TUB: variants seen among roughly 807,000 people sequenced by gnomAD.
TUB encodes the protein TUB bipartite transcription factor.
In TUB, 33 loss-of-function variants were observed where a neutral mutation model predicts 59.7. The ratio of observed to expected loss-of-function variants is 0.55; its 90% CI spans 0.42 to 0.74. The LOEUF (loss-of-function observed/expected upper bound fraction) is 0.74, where lower values mean the gene tolerates loss of function less well. TUB is among the 30% of genes least tolerant of loss of function. The probability of loss-of-function intolerance (pLI) is 0.00; values close to 1 mark genes in which losing one functional copy is unlikely to be tolerated. For missense variants in TUB, 659 were observed against 672.0 expected (o/e 0.98, Z 0.21); for synonymous variants, 293 against 256.4 (o/e 1.14, Z -1.36).
rs1408781559 is a variant in TUB, at chr11:8,030,926, G to A, written c.56+11568G>A. 3.3e-5 allele frequency among the ~76,000 whole-genome samples: 5 copies of A among 152,198 alleles called. No homozygotes were observed. In the South Asian group the frequency reaches 8.3e-4, roughly 25 times the overall value. On this transcript the variant is annotated intron_variant, in intron 1 of 11. Coordinates refer to the TUB transcript ENST00000534099. ...CATGCCAGGAACACCACAGTGTCCC[G>A]AAAGGACACTGTCTCCTGACACCAG... is the stretch of plus-strand genomic sequence containing the variant.
intron 6 of TUB, 134 bp downstream of exon 6, chr11:8,096,940 C>A: frequency 9.7e-7 from 1 of 1,035,834 alleles, no homozygotes; most frequent in Non-Finnish European, 1.5e-6. Context: ...CTCTACCTTG[C>A]CTCCTAACCT....
At chr11:8,021,733 G>T (rs1472521753) in intron 1 of TUB, among the ~76,000 whole-genome samples, 1 of 151,672 alleles carries the variant, frequency 6.6e-6, no homozygotes, top group African/African-American at 2.4e-5. Context: ...GGCTAACACG[G>T]TGAAACCCCG....
intron 1 of TUB, among the ~76,000 whole-genome samples, chr11:8,023,881 TC>T (rs1224612771): frequency 1.3e-5 from 2 of 152,366 alleles, no homozygotes; most frequent in East Asian, 3.9e-4. Flanking sequence ...TCAGTCGTTA[TC>T]CTCAAAGGCT....
chr11:8,068,573 C>G (rs1322349792), intron 2 of TUB: 1 of 152,682 alleles, frequency 6.5e-6, no homozygotes, highest in African/African-American at 2.4e-5. Context: ...AGGCCGTCCA[C>G]CCCAATGCTT....
At chr11:8,085,870 C>A (rs1943655433) in intron 1 of TUB, among the ~76,000 whole-genome samples, 1 of 152,188 alleles carries the variant, frequency 6.6e-6, no homozygotes, top group Non-Finnish European at 1.5e-5. Context: ...TGTGTCCTTG[C>A]CCCTTGTTGT....
Position 8,105,914 on chromosome 11 carries a change from G to C in TUB, c.*4295G>C, listed in dbSNP as rs141824931. ...GAAGCCTGACTGCTCGGTCAGGAGGGTGCAGTATCTCTTGCTGGGAACACA... is the reference window on the plus strand; with the variant it reads ...GAAGCCTGACTGCTCGGTCAGGAGGCTGCAGTATCTCTTGCTGGGAACACA... On this transcript the variant is annotated 3_prime_UTR_variant, in exon 12 of 12. Coordinates refer to ENST00000299506, the MANE Select transcript of TUB (RefSeq NM_177972.3). 4.6e-5 allele frequency: 7 copies of C among 151,938 alleles called. No homozygotes were observed. The East Asian group carries it at 1.4e-3, about 29-fold the overall frequency. The allele number at this position is 151,938 out of a possible 1,614,324, so 9.4% of individuals were successfully genotyped here.
At position 8,067,481 on chromosome 11, in the gene TUB, T is replaced by A. The variant is rs548936033; in HGVS notation, c.204-22129T>A. On this transcript the variant is annotated intron_variant, in intron 2 of 12. Coordinates refer to the TUB transcript ENST00000305253. ...TGTTAGCATGGTGCCTGGCACAGGGTAAGCATTTAATAAATGTTAGCTACT... is the reference window on the plus strand; with the variant it reads ...TGTTAGCATGGTGCCTGGCACAGGGAAAGCATTTAATAAATGTTAGCTACT... 8 of 152,336 alleles carry A rather than the reference T, an allele frequency of 5.3e-5. No homozygotes were observed. The East Asian group carries it at 1.3e-3, about 26-fold the overall frequency. The allele number at this position is 152,336 out of a possible 1,614,324, so 9.4% of individuals were successfully genotyped here.
chr11:8,024,390 C>T (rs1166141245), intron 1 of TUB, among the ~76,000 whole-genome samples: 3 of 152,160 alleles, frequency 2.0e-5, no homozygotes, highest in Non-Finnish European at 2.9e-5. Context: ...CTGCTTCTCC[C>T]TGATGAACTT....
chr11:8,077,492 C>G (rs1943468051), upstream of TUB: 2 of 151,572 alleles, frequency 1.3e-5, no homozygotes, highest in African/African-American at 4.9e-5. Flanking sequence ...ATGTCATCCT[C>G]TGTCTGTATG....
chr11:8,073,310 A>C (rs992402740), intron 2 of TUB, among the ~76,000 whole-genome samples: 1 of 152,118 alleles, frequency 6.6e-6, no homozygotes, highest in African/African-American at 2.4e-5. Context: ...GGGAGTAATA[A>C]ATTTTCAAAG....
At chr11:8,089,958 G>A (rs1564916874) in intron 2 of TUB, 111 bp from the exon 3 acceptor site, 1 of 1,413,798 alleles carries the variant, frequency 7.1e-7, no homozygotes. Flanking sequence ...AAGTGTTGGG[G>A]TGCCAAGGAC....
intron 2 of TUB, among the ~76,000 whole-genome samples, chr11:8,062,884 A>T (rs1399021861): frequency 6.6e-6 from 1 of 152,134 alleles, no homozygotes; most frequent in Non-Finnish European, 1.5e-5. Context: ...AGACACTCAG[A>T]CGTTGTCTCT....
At chr11:8,089,233 C>A (rs1482412204) in intron 1 of TUB, among the ~76,000 whole-genome samples, 3 of 152,164 alleles carry the variant, frequency 2.0e-5, no homozygotes, top group Admixed American at 6.5e-5. Context: ...GAGGGAGCAG[C>A]CCCCTGGGTT....
chr11:8,043,681 T>A (rs187472024), intron 2 of TUB, among the ~76,000 whole-genome samples: 3 of 152,348 alleles, frequency 2.0e-5, no homozygotes, highest in African/African-American at 7.2e-5. Flanking sequence ...TTCTTCTTGA[T>A]GCTTTTGTAA....
At chr11:8,024,543 A>G (rs1942475039) in intron 1 of TUB, among the ~76,000 whole-genome samples, 1 of 152,096 alleles carries the variant, frequency 6.6e-6, no homozygotes, top group Admixed American at 6.5e-5. Context: ...ATCAGGCATC[A>G]TCTTCTGTCA....
chr11:8,089,470 T>A, intron 1 of TUB, 140 bp from the exon 2 acceptor site: 1 of 1,018,134 alleles, frequency 9.8e-7, no homozygotes, highest in Non-Finnish European at 1.5e-6. Context: ...CCCTTCCTCC[T>A]TCTACCATGT....
chr11:8,059,880 G>C (rs1943089010), intron 2 of TUB, among the ~76,000 whole-genome samples: 1 of 152,192 alleles, frequency 6.6e-6, no homozygotes, highest in African/African-American at 2.4e-5. Flanking sequence ...CCAGAAGGAG[G>C]CTGGGGACAT....
intron 9 of TUB, 24 bp from the exon 10 acceptor site, chr11:8,100,479 C>T (rs776712829): frequency 1.9e-6 from 3 of 1,599,116 alleles, no homozygotes; most frequent in Non-Finnish European, 2.6e-6. Flanking sequence ...CCTCAGGTGG[C>T]CAGTGTTGCG....
Position 8,096,793 on chromosome 11 carries a change from G to A in TUB, c.674G>A (p.Arg225Lys), listed in dbSNP as rs748079756. The A allele has an allele frequency of 2.0e-5, 32 of 1,614,062 alleles. No homozygotes were observed. Among genetic ancestry groups the A allele is most frequent in the Non-Finnish European group, 2.6e-5 (31 of 1,180,016 alleles). Residue 225 changes from arginine to lysine, a missense_variant, in exon 6 of 12, where the codon AGG (arginine) becomes AAG (lysine). Arg to Lys is a conservative substitution (Grantham distance 26). This residue lies in a region of TUB where 321 missense variants were observed against 304.3 expected (regional missense o/e 1.05). Transcript: ENST00000299506. ...SNTRPSSATS[R>K]KSVREAASAP... ...ACCCGCCCCAGCTCTGCTACTAGCA[G>A]GAAGTCCGTCAGGGTGAGTGAGTGA...
Sources: gnomAD v4.1 joint callset for allele counts (sites outside exome capture counted in the v4.1 genomes callset) on GRCh38, gnomAD v4.1.1 for gene constraint, gnomAD v4.1.1 regional missense constraint, MANE v1.5 for transcripts, NCBI Gene and HGNC (gene_info 2026-07-23, HGNC 2026-07-21) for gene names.